ST8SIA1: variants seen among roughly 807,000 people sequenced by gnomAD.
ST8SIA1 encodes the protein ST8 alpha-N-acetyl-neuraminide alpha-2,8-sialyltransferase 1.
Under a neutral mutation model 35.9 loss-of-function variants are expected in ST8SIA1, and 16 were observed. The ratio of observed to expected loss-of-function variants is 0.45; its 90% CI spans 0.30 to 0.68. The LOEUF (loss-of-function observed/expected upper bound fraction) is 0.68, where lower values mean the gene tolerates loss of function less well. ST8SIA1 is among the 30% of genes least tolerant of loss of function. The pLI, the probability that ST8SIA1 is intolerant of heterozygous loss-of-function variation, is 0.09. For synonymous variants in ST8SIA1, 170 were observed against 169.6 expected (o/e 1.00, Z -0.02); for missense variants, 383 against 453.6 (o/e 0.84, Z 1.41).
chr12:22,210,076 T>A (rs1865160784), intron 4 of ST8SIA1, among the ~76,000 whole-genome samples: 1 of 152,238 alleles, frequency 6.6e-6, no homozygotes, highest in Non-Finnish European at 1.5e-5. Context: ...TATATCCATA[T>A]TATGATACAT....
rs371031537 is a variant in ST8SIA1, at chr12:22,226,249, A to G, written c.584+22757T>C. 4.5e-4 allele frequency among the ~76,000 whole-genome samples: 68 copies of G among 152,218 alleles called. 2 individuals carry two copies. The South Asian group carries it at 0.014, about 32-fold the overall frequency. On this transcript the variant is annotated intron_variant, in intron 4 of 4. Transcript: ENST00000396037. The stretch of plus-strand genomic sequence containing the variant: ...AATCATTCACATCTTGGTACTTACC[A>G]TGACATCTGTCCTGAAATTTAGTGA...
At chr12:22,265,427 C>T (rs147454003) in intron 2 of ST8SIA1, among the ~76,000 whole-genome samples, 10 of 152,312 alleles carry the variant, frequency 6.6e-5, no homozygotes, top group Non-Finnish European at 1.2e-4. Flanking sequence ...AGCACATCTT[C>T]ATGTTGATGA....
rs761377921 is a variant in ST8SIA1, at chr12:22,201,599, T to C, written c.1024A>G (p.Met342Val). Residue 342 changes from methionine (M) to valine (V), a missense_variant, in exon 5 of 5, where the codon ATG (methionine) becomes GTG (valine). Met to Val is a conservative substitution (Grantham distance 21, BLOSUM62 1). Transcript: ENST00000396037. The stretch of plus-strand genomic sequence containing the variant: ...GTATCTTCACATGGGTCCAGCTGCA[T>C]TCTCAGTGCACCGATTTTATGAAGA... ...WYLHKIGALRMQLDPCEDTSL... is the reference protein window; with the variant it reads ...WYLHKIGALRVQLDPCEDTSL... 2.3e-5 allele frequency: 37 copies of C among 1,613,754 alleles called. 1 individual carries two copies. In the Admixed American group the frequency reaches 6.2e-4, roughly 27 times the overall value.
intron 1 of ST8SIA1, among the ~76,000 whole-genome samples, chr12:22,314,871 C>A (rs1355590095): frequency 2.0e-5 from 3 of 152,150 alleles, no homozygotes; most frequent in Non-Finnish European, 2.9e-5. Context: ...CTCTCAAACT[C>A]CAACTGAAGC....
chr12:22,233,820 C>G (rs1865445404), intron 4 of ST8SIA1, among the ~76,000 whole-genome samples: 1 of 152,118 alleles, frequency 6.6e-6, no homozygotes, highest in South Asian at 2.1e-4. Context: ...GTTCTATGTG[C>G]CTCATGGTTG....
intron 4 of ST8SIA1, among the ~76,000 whole-genome samples, chr12:22,228,893 A>C (rs1200207571): frequency 1.3e-5 from 2 of 152,016 alleles, no homozygotes; most frequent in African/African-American, 4.8e-5. Flanking sequence ...GTCTCATCTA[A>C]AAATACAAAA....
chr12:22,224,810 T>C (rs1865337284), intron 4 of ST8SIA1, among the ~76,000 whole-genome samples: 1 of 152,224 alleles, frequency 6.6e-6, no homozygotes, highest in Admixed American at 6.5e-5. Context: ...TTGGGTCAAA[T>C]CCTTGTACTG....
intron 4 of ST8SIA1, among the ~76,000 whole-genome samples, chr12:22,246,544 C>A (rs940253432): frequency 1.3e-5 from 2 of 152,126 alleles, no homozygotes; most frequent in African/African-American, 4.8e-5. Flanking sequence ...TATGCAGCTT[C>A]AGGGTGGGGG....
At position 22,290,092 on chromosome 12, in the gene ST8SIA1, A is replaced by T. The variant is rs183596426; in HGVS notation, c.237-2799T>A. Among the ~76,000 whole-genome samples, 42 of 152,302 alleles carry T rather than the reference A, an allele frequency of 2.8e-4. No homozygotes were observed. The East Asian group carries it at 6.4e-3, about 23-fold the overall frequency. ...TACGCCATAGAAAATACAAAGTTTC[A>T]CATGTGTAGAAATATTTTTAAATCC... is the stretch of plus-strand genomic sequence containing the variant. On this transcript the variant is annotated intron_variant, in intron 1 of 4. Transcript: ENST00000396037.
intron 2 of ST8SIA1, among the ~76,000 whole-genome samples, chr12:22,274,097 A>G (rs541320057): frequency 6.6e-5 from 10 of 152,342 alleles, no homozygotes; most frequent in Non-Finnish European, 1.3e-4. Flanking sequence ...AGAAGACAGC[A>G]CAGTGTTTGT....
intron 1 of ST8SIA1, among the ~76,000 whole-genome samples, chr12:22,288,083 C>G (rs1413592500): frequency 6.6e-6 from 1 of 152,204 alleles, no homozygotes; most frequent in Non-Finnish European, 1.5e-5. Flanking sequence ...GCTAGCCCCT[C>G]AAGTCTAAGC....
At chr12:22,246,173 G>A (rs1865599329) in intron 4 of ST8SIA1, among the ~76,000 whole-genome samples, 1 of 152,132 alleles carries the variant, frequency 6.6e-6, no homozygotes, top group South Asian at 2.1e-4. Flanking sequence ...GGGGTGGGGG[G>A]TAGTCTTGTG....
chr12:22,320,321 C>A (rs1213072946), intron 1 of ST8SIA1, among the ~76,000 whole-genome samples: 1 of 152,118 alleles, frequency 6.6e-6, no homozygotes, highest in Non-Finnish European at 1.5e-5. Flanking sequence ...CACCCTGAGG[C>A]CAAAATAGGC....
chr12:22,225,056 C>A (rs1865340118), intron 4 of ST8SIA1, among the ~76,000 whole-genome samples: 1 of 152,118 alleles, frequency 6.6e-6, no homozygotes, highest in Non-Finnish European at 1.5e-5. Flanking sequence ...GCCAGGAAAG[C>A]TACAGATTGT....
chr12:22,207,465 A>G (rs1031997496), intron 4 of ST8SIA1, among the ~76,000 whole-genome samples: 3 of 152,172 alleles, frequency 2.0e-5, no homozygotes, highest in Non-Finnish European at 4.4e-5. Context: ...TGTTGTTTTC[A>G]CATGTGACAA....
intron 4 of ST8SIA1, among the ~76,000 whole-genome samples, chr12:22,236,131 C>T (rs1471242392): frequency 6.6e-6 from 1 of 152,160 alleles, no homozygotes; most frequent in East Asian, 1.9e-4. Context: ...TGCTCCTTTA[C>T]CACGTCTCCC....
At chr12:22,233,505 T>C (rs1865440830) in intron 4 of ST8SIA1, among the ~76,000 whole-genome samples, 1 of 152,158 alleles carries the variant, frequency 6.6e-6, no homozygotes, top group African/African-American at 2.4e-5. Flanking sequence ...CTCAAGTATC[T>C]CAAGTCAATA....
chr12:22,230,097 T>C (rs555959964), intron 4 of ST8SIA1, among the ~76,000 whole-genome samples: 108 of 152,338 alleles, frequency 7.1e-4, no homozygotes, highest in African/African-American at 2.5e-3. Flanking sequence ...TTAACAATTG[T>C]TCAAACAAAT....
Position 22,255,272 on chromosome 12 carries a change from T to C in ST8SIA1, c.491+8A>G. 6.2e-7 allele frequency: 1 copy of C among 1,612,980 alleles called. No individual in the cohort carries two copies. Among genetic ancestry groups the C allele is most frequent in the Non-Finnish European group, 8.5e-7 (1 of 1,178,952 alleles). On this transcript the variant is annotated splice_region_variant and intron_variant, in intron 3 of 4. Transcript: ENST00000396037. ...GGCAGAGGCCGCGCTGTGGGTGCTC[T>C]CTCTTACCGCATGACAAAATTTGCT...
Sources: allele counts gnomAD v4.1 joint callset (sites outside exome capture counted in the v4.1 genomes callset), GRCh38; gene constraint gnomAD v4.1.1; transcripts MANE v1.5; gene names NCBI Gene and HGNC (gene_info 2026-07-23, HGNC 2026-07-21).